RTL4: variants seen among roughly 807,000 people sequenced by gnomAD.
RTL4 encodes retrotransposon Gag like 4.
A neutral mutation model predicts 5.3 loss-of-function variants in RTL4; 4 were observed. The ratio of observed to expected loss-of-function variants is 0.75; its 90% CI spans 0.37 to 1.72. The LOEUF (loss-of-function observed/expected upper bound fraction) is 1.72. Ranked by LOEUF, RTL4 falls within the 40% of genes most tolerant of loss-of-function variation. The pLI is 0.04. For missense variants in RTL4, 260 were observed against 227.1 expected (o/e 1.14, Z -0.93); for synonymous variants, 98 against 87.3 (o/e 1.12, Z -0.68).
chrX:112,198,598 A>G, the RTL4 span, among the ~76,000 whole-genome samples: 2 of 111,547 alleles, frequency 1.8e-5, no homozygotes, highest in Non-Finnish European at 3.8e-5. Context: ...AGTTCTGTGA[A>G]TATTTATACC....
At chrX:112,399,345 C>A in the RTL4 span, among the ~76,000 whole-genome samples, 3 of 111,158 alleles carry the variant, frequency 2.7e-5, no homozygotes, top group Non-Finnish European at 3.8e-5. Flanking sequence ...TCTATTATAG[C>A]TTTTCTTTGT....
chrX:112,111,257 CTCTTTCTCTCTT>C, the RTL4 span, among the ~76,000 whole-genome samples: 2 of 109,889 alleles, frequency 1.8e-5, no homozygotes, highest in Middle Eastern at 4.7e-3. Context: ...TTGACTTTGT[CTCTTTCTCTCTT>C]TCTTTCTCTC....
the RTL4 span, among the ~76,000 whole-genome samples, chrX:112,202,455 C>A: frequency 1.8e-5 from 2 of 110,129 alleles, no homozygotes; most frequent in Non-Finnish European, 3.8e-5. Context: ...TTTTTAAGTG[C>A]ATATGAATTT....
chrX:112,399,411 GTTGAT>G, the RTL4 span, among the ~76,000 whole-genome samples: 3 of 111,155 alleles, frequency 2.7e-5, no homozygotes, highest in African/African-American at 6.5e-5. Context: ...CTCTGAAGTT[GTTGAT>G]TTGATTTATT....
the RTL4 span, among the ~76,000 whole-genome samples, chrX:112,115,804 A>G: frequency 8.9e-6 from 1 of 112,265 alleles, no homozygotes; most frequent in Non-Finnish European, 1.9e-5. Context: ...AAGCGGGACT[A>G]GCCTCGGAGA....
At chrX:112,391,557 T>C in the RTL4 span, among the ~76,000 whole-genome samples, 1 of 109,419 alleles carries the variant, frequency 9.1e-6, no homozygotes, top group Non-Finnish European at 1.9e-5. Context: ...CTTCTTGTCT[T>C]TGGTTTCAGA....
chrX:112,423,247 A>C, the RTL4 span, among the ~76,000 whole-genome samples: 227 of 110,291 alleles, frequency 2.1e-3, no homozygotes, highest in Non-Finnish European at 2.8e-3. Context: ...TGGTCGATGC[A>C]TGTGGATTAT....
At chrX:112,091,695 A>T in the RTL4 span, among the ~76,000 whole-genome samples, 1 of 111,080 alleles carries the variant, frequency 9.0e-6, no homozygotes, top group Non-Finnish European at 1.9e-5. Context: ...CGTGCACTTA[A>T]AAATAATGTT....
At chrX:112,253,761 C>T in the RTL4 span, among the ~76,000 whole-genome samples, 20,698 of 111,841 alleles carry the variant, frequency 0.19, 1,417 homozygotes, top group African/African-American at 0.26. Flanking sequence ...ATCTTAGCCC[C>T]TGTTCTAGGT....
the RTL4 span, among the ~76,000 whole-genome samples, chrX:112,263,501 T>C: frequency 7.1e-5 from 8 of 112,208 alleles, no homozygotes; most frequent in Admixed American, 7.6e-4. Context: ...ACCACTGTTT[T>C]ACTCTCTGCT....
chrX:112,106,028 A>C, the RTL4 span, among the ~76,000 whole-genome samples: 1 of 111,873 alleles, frequency 8.9e-6, no homozygotes, highest in African/African-American at 3.2e-5. Flanking sequence ...GTCATAGGTT[A>C]ACTTTGTTGT....
At chrX:112,393,166 TTTTTTTTG>T in the RTL4 span, among the ~76,000 whole-genome samples, 1 of 95,837 alleles carries the variant, frequency 1.0e-5, no homozygotes, top group African/African-American at 5.2e-5. Flanking sequence ...TTTTTGTTTT[TTTTTTTTG>T]TTTGTTTGTT....
At chrX:112,095,869 C>T in the RTL4 span, among the ~76,000 whole-genome samples, 8 of 111,410 alleles carry the variant, frequency 7.2e-5, no homozygotes, top group African/African-American at 2.3e-4. Context: ...TAGATGTCAC[C>T]CAAGGTGATG....
the RTL4 span, among the ~76,000 whole-genome samples, chrX:112,399,684 A>G: frequency 3.6e-5 from 4 of 111,380 alleles, no homozygotes; most frequent in Non-Finnish European, 5.7e-5. Flanking sequence ...TGTTGTTGCT[A>G]TTCTTGGGGC....
At chrX:112,130,246 C>CTTTTT in the RTL4 span, among the ~76,000 whole-genome samples, 2 of 97,901 alleles carry the variant, frequency 2.0e-5, no homozygotes, top group Non-Finnish European at 2.1e-5. Context: ...CTTTTCTTTT[C>CTTTTT]TTTTTTTTTT....
the RTL4 span, among the ~76,000 whole-genome samples, chrX:112,086,549 G>A: frequency 2.6e-4 from 29 of 112,289 alleles, no homozygotes; most frequent in African/African-American, 9.1e-4. Context: ...CAGGAATTCA[G>A]CAAAGGAAAA....
At chrX:112,278,070 T>C in the RTL4 span, among the ~76,000 whole-genome samples, 4 of 112,232 alleles carry the variant, frequency 3.6e-5, no homozygotes, top group Non-Finnish European at 7.5e-5. Flanking sequence ...AGTGAAGATT[T>C]ATGTTTACTT....
the RTL4 span, among the ~76,000 whole-genome samples, chrX:112,364,207 G>A: frequency 9.0e-6 from 1 of 111,443 alleles, no homozygotes; most frequent in Non-Finnish European, 1.9e-5. Context: ...TTTTTCTTCT[G>A]TGGATTCCCT....
chrX:112,210,225 T>C, the RTL4 span, among the ~76,000 whole-genome samples: 1 of 112,084 alleles, frequency 8.9e-6, no homozygotes, highest in African/African-American at 3.2e-5. Flanking sequence ...CTGAGAACCA[T>C]TTTAGGATAG....
Sources: allele counts gnomAD v4.1 joint callset (sites outside exome capture counted in the v4.1 genomes callset), GRCh38; gene constraint gnomAD v4.1.1; transcripts MANE v1.5; gene names NCBI Gene and HGNC (gene_info 2026-07-23, HGNC 2026-07-21).